COL15A1: variants seen among roughly 807,000 people sequenced by gnomAD.
COL15A1 encodes the protein collagen alpha-1(XV) chain.
Under a neutral mutation model 165.9 loss-of-function variants are expected in COL15A1, and 111 were observed. That is an observed-to-expected ratio of 0.67 (90% confidence interval 0.57 to 0.78). The LOEUF (loss-of-function observed/expected upper bound fraction) is 0.78. Ranked by LOEUF, COL15A1 falls within the 30% of genes least tolerant of loss-of-function variation. COL15A1 has a pLI of 0.00. For synonymous variants in COL15A1, 659 were observed against 674.8 expected (o/e 0.98, Z 0.36); for missense variants, 1,745 against 1,789.7 (o/e 0.98, Z 0.45).
intron 19 of COL15A1, among the ~76,000 whole-genome samples, 187 bp from the exon 20 acceptor site, chr9:99,035,983 C>T (rs966553579): frequency 1.3e-5 from 2 of 152,152 alleles, no homozygotes; most frequent in Non-Finnish European, 2.9e-5. Flanking sequence ...GAGAGGGCCG[C>T]TGATTCTCTC....
At chr9:99,025,500 T>C (rs935385052) in intron 15 of COL15A1, among the ~76,000 whole-genome samples, 1 of 152,214 alleles carries the variant, frequency 6.6e-6, no homozygotes, top group African/African-American at 2.4e-5. Context: ...CATTTTGGAC[T>C]TAAGATATTT....
chr9:99,025,448 T>G (rs1461356610), intron 15 of COL15A1, among the ~76,000 whole-genome samples: 2 of 152,246 alleles, frequency 1.3e-5, no homozygotes, highest in Non-Finnish European at 2.9e-5. Flanking sequence ...TAAGTTAGGC[T>G]AGGCTAAGCT....
intron 14 of COL15A1, among the ~76,000 whole-genome samples, chr9:99,023,871 C>A (rs1048518365): frequency 1.3e-5 from 2 of 152,136 alleles, no homozygotes; most frequent in African/African-American, 4.8e-5. Context: ...GCTTCCAGAA[C>A]CTTCCTGAAA....
chr9:99,027,085 G>T (rs1216133553), intron 16 of COL15A1, among the ~76,000 whole-genome samples: 3 of 152,210 alleles, frequency 2.0e-5, no homozygotes, highest in Admixed American at 2.0e-4. Flanking sequence ...TACCTGGGGC[G>T]TGTATGTGTA....
chr9:98,988,325 T>TA (rs1838353346), intron 4 of COL15A1, among the ~76,000 whole-genome samples: 1 of 152,194 alleles, frequency 6.6e-6, no homozygotes, highest in African/African-American at 2.4e-5. Context: ...AGTCACGCGT[T>TA]AGTCTCTGCA....
chr9:99,021,989 T>G, intron 12 of COL15A1, 102 bp from the exon 13 acceptor site: 1 of 1,498,388 alleles, frequency 6.7e-7, no homozygotes, highest in East Asian at 2.3e-5. Flanking sequence ...TTTTCTTTCC[T>G]GTGTGATCCT....
intron 9 of COL15A1, among the ~76,000 whole-genome samples, chr9:99,011,202 T>G (rs765522733): frequency 7.9e-5 from 12 of 152,196 alleles, no homozygotes; most frequent in Non-Finnish European, 1.8e-4. Context: ...AATTTTGTAG[T>G]TCAAACCAAT....
intron 2 of COL15A1, among the ~76,000 whole-genome samples, chr9:98,948,140 C>T (rs1021620372): frequency 1.3e-5 from 2 of 152,116 alleles, no homozygotes; most frequent in African/African-American, 2.4e-5. Context: ...TGGCTGGGTA[C>T]AGAAAGGATT....
intron 31 of COL15A1, 64 bp downstream of exon 31, chr9:99,052,497 T>G (rs1335582359): frequency 7.4e-7 from 1 of 1,354,232 alleles, no homozygotes; most frequent in East Asian, 2.3e-5. Flanking sequence ...ATGGTTTTCC[T>G]TTGCCCAGTG....
chr9:99,066,612 T>TG (rs1283182912), intron 39 of COL15A1, among the ~76,000 whole-genome samples: 1 of 144,210 alleles, frequency 6.9e-6, no homozygotes, highest in Non-Finnish European at 1.5e-5. Flanking sequence ...TTTTTTTTTT[T>TG]TTTTTTTTTT....
At chr9:99,018,906 G>A (rs2118999685) in intron 11 of COL15A1, among the ~76,000 whole-genome samples, 1 of 152,182 alleles carries the variant, frequency 6.6e-6, no homozygotes, top group East Asian at 1.9e-4. Context: ...ATACATTGTG[G>A]TTTAATACAT....
chr9:98,991,671 A>G (rs1838434180), intron 5 of COL15A1, among the ~76,000 whole-genome samples: 1 of 152,110 alleles, frequency 6.6e-6, no homozygotes, highest in Non-Finnish European at 1.5e-5. Flanking sequence ...TGCATTTACA[A>G]TCCTCTAGCT....
intron 21 of COL15A1, among the ~76,000 whole-genome samples, 186 bp from the exon 22 acceptor site, chr9:99,038,482 G>A (rs570870168): frequency 7.8e-4 from 119 of 152,332 alleles, no homozygotes; most frequent in South Asian, 2.9e-3. Context: ...AGGAAAGTGC[G>A]AAGGCAGCTC....
intron 9 of COL15A1, among the ~76,000 whole-genome samples, chr9:99,007,738 A>G (rs984468660): frequency 6.6e-6 from 1 of 152,226 alleles, no homozygotes; most frequent in Non-Finnish European, 1.5e-5. Context: ...TCTGAAGTTT[A>G]AGTTGTCTAG....
rs1437762872 is a variant in COL15A1 at position 98,993,191 on chromosome 9, A to G, written c.805-3743A>G. The stretch of plus-strand genomic sequence containing the variant: ...GCCTCATAGGGTCAGTGTGAAAATT[A>G]GACAAATTGCCCTGTGCAAAATGCT... On this transcript the variant is annotated intron_variant, in intron 5 of 41. Transcript: ENST00000375001. Among the ~76,000 whole-genome samples the G allele has an allele frequency of 2.6e-5, 4 of 152,326 alleles. No individual in the cohort carries two copies. The East Asian group carries it at 7.7e-4, about 29-fold the overall frequency.
intron 39 of COL15A1, among the ~76,000 whole-genome samples, chr9:99,063,633 A>G (rs1281131115): frequency 6.6e-6 from 1 of 152,200 alleles, no homozygotes; most frequent in Non-Finnish European, 1.5e-5. Flanking sequence ...AACAGGTATG[A>G]CAACACTAGT....
At chr9:99,048,832 T>A (rs1217089123) in intron 28 of COL15A1, among the ~76,000 whole-genome samples, 1 of 151,934 alleles carries the variant, frequency 6.6e-6, no homozygotes, top group African/African-American at 2.4e-5. Context: ...CATAAGAGGA[T>A]ACCAGGGCCT....
chr9:98,990,365 G>T (rs1838398023), intron 5 of COL15A1, among the ~76,000 whole-genome samples: 1 of 152,202 alleles, frequency 6.6e-6, no homozygotes, highest in South Asian at 2.1e-4. Flanking sequence ...TCCCAAGGAT[G>T]GCGGCCAACT....
chr9:99,060,234 TTA>T (rs1203751452), intron 36 of COL15A1, among the ~76,000 whole-genome samples: 74 of 84,804 alleles, frequency 8.7e-4, no homozygotes, highest in African/African-American at 1.1e-3. Context: ...TTATATATTT[TTA>T]TATATATATA....
Sources: allele counts gnomAD v4.1 joint callset (sites outside exome capture counted in the v4.1 genomes callset), GRCh38; gene constraint gnomAD v4.1.1; transcripts MANE v1.5; gene names NCBI Gene and HGNC (gene_info 2026-07-23, HGNC 2026-07-21).